SSBP3: variants seen among roughly 807,000 people sequenced by gnomAD.
SSBP3 encodes single-stranded DNA-binding protein 3.
In SSBP3, 5 loss-of-function variants were observed where a neutral mutation model predicts 69.6. The ratio of observed to expected loss-of-function variants is 0.07; its 90% CI spans 0.04 to 0.15. SSBP3 has a LOEUF of 0.15. Ranked by LOEUF, SSBP3 falls within the 10% of genes least tolerant of loss-of-function variation. The probability of loss-of-function intolerance (pLI) is 1.00; values close to 1 mark genes in which losing one functional copy is unlikely to be tolerated. For missense variants in SSBP3, 312 were observed against 534.0 expected (o/e 0.58, Z 4.10); for synonymous variants, 196 against 193.4 (o/e 1.01, Z -0.11).
At chr1:54,359,847 G>A (rs1473502957) in intron 4 of SSBP3, among the ~76,000 whole-genome samples, 1 of 151,998 alleles carries the variant, frequency 6.6e-6, no homozygotes, top group African/African-American at 2.4e-5. Flanking sequence ...TGGCCTGACA[G>A]GCTGAGGATA....
rs12046173 is a variant in SSBP3 at position 54,383,240 on chromosome 1, T to C, written c.276+18621A>G. Among the ~76,000 whole-genome samples, 51 of 151,276 alleles carry C rather than the reference T, an allele frequency of 3.4e-4. No homozygotes were observed. The East Asian group carries it at 1.0e-2, about 30-fold the overall frequency. On this transcript the variant is annotated intron_variant, in intron 4 of 17. Coordinates refer to ENST00000610401, the Ensembl canonical transcript of SSBP3. The stretch of plus-strand genomic sequence containing the variant: ...ATACAAAAAAAAAATTAGCCGGGCG[T>C]GGTGGCGTGAGCCTGTAGTCCCAGC...
At chr1:54,287,060 A>C (rs1645504462) in intron 4 of SSBP3, 1 of 152,084 alleles carries the variant, frequency 6.6e-6, no homozygotes, top group Non-Finnish European at 1.5e-5. Context: ...CCTGCAAGAT[A>C]CTATCTTCTG....
chr1:54,225,514 TC>T, exon 18 of SSBP3: 1 of 1,042,872 alleles, frequency 9.6e-7, no homozygotes, highest in Non-Finnish European at 1.2e-6. Flanking sequence ...TACTTTTTTT[TC>T]CTCTCTTAAT....
At chr1:54,371,196 C>T (rs1054191654) in intron 4 of SSBP3, among the ~76,000 whole-genome samples, 1 of 152,248 alleles carries the variant, frequency 6.6e-6, no homozygotes, top group Non-Finnish European at 1.5e-5. Flanking sequence ...CAGGCAAACA[C>T]TATTCTCAGA....
chr1:54,292,295 C>T (rs1645621635), intron 4 of SSBP3, among the ~76,000 whole-genome samples: 1 of 152,228 alleles, frequency 6.6e-6, no homozygotes, highest in South Asian at 2.1e-4. Context: ...TTCAGACTGA[C>T]ACAAGAGAGG....
chr1:54,264,552 C>T (rs1645068685), intron 5 of SSBP3, among the ~76,000 whole-genome samples: 1 of 152,188 alleles, frequency 6.6e-6, no homozygotes, highest in African/African-American at 2.4e-5. Flanking sequence ...CAGGCTGTGA[C>T]CTGTGCTGAA....
At chr1:54,234,816 T>A (rs556359689) in intron 14 of SSBP3, among the ~76,000 whole-genome samples, 50 of 149,900 alleles carry the variant, frequency 3.3e-4, no homozygotes, top group African/African-American at 1.1e-3. Flanking sequence ...CAGGCTGGAG[T>A]GCAGTGGCAT....
chr1:54,346,035 C>T (rs1462447173), intron 4 of SSBP3, among the ~76,000 whole-genome samples: 2 of 151,462 alleles, frequency 1.3e-5, no homozygotes, highest in East Asian at 1.9e-4. Context: ...TGGCAGCACA[C>T]GCCTGTACTC....
chr1:54,262,691 G>A (rs1304170646), intron 5 of SSBP3, among the ~76,000 whole-genome samples: 2 of 152,248 alleles, frequency 1.3e-5, no homozygotes, highest in Admixed American at 1.3e-4. Context: ...GAGGCCCAGT[G>A]TGGCCACAGC....
chr1:54,370,517 T>G (rs988732175), intron 4 of SSBP3, among the ~76,000 whole-genome samples: 1 of 152,216 alleles, frequency 6.6e-6, no homozygotes, highest in Admixed American at 6.5e-5. Flanking sequence ...GCACCATCAC[T>G]AGCCTTCAGA....
rs572310239 is a variant in SSBP3 at position 54,328,746 on chromosome 1, C to T, written c.277-47219G>A. 1.0e-3 allele frequency among the ~76,000 whole-genome samples: 152 copies of T among 152,338 alleles called. 2 individuals carry two copies. Among genetic ancestry groups the T allele is most frequent in the Middle Eastern group, 3.4e-3 (1 of 294 alleles). ...CAACCCCACAGACTGATTCCCTCTC[C>T]AGTGGCATCTCCCTTACCTGTAACC... On this transcript the variant is annotated intron_variant, in intron 4 of 17. Coordinates refer to ENST00000610401, the Ensembl canonical transcript of SSBP3.
intron 4 of SSBP3, among the ~76,000 whole-genome samples, chr1:54,397,385 C>A (rs1648971227): frequency 6.6e-6 from 1 of 152,214 alleles, no homozygotes; most frequent in East Asian, 1.9e-4. Flanking sequence ...ATTTCAAACC[C>A]ACCAAGGACG....
At position 54,381,382 on chromosome 1, in the gene SSBP3, C is replaced by CAAAAAAAA. The variant is rs59809996; in HGVS notation, c.276+20471_276+20478dup. On this transcript the variant is annotated intron_variant, in intron 4 of 17. Coordinates refer to ENST00000610401, the Ensembl canonical transcript of SSBP3. ...TGGGCGACAGAGTGATACACCATCT[C>CAAAAAAAA]AAAAAAAAAAAAAAAAAAAAAAAAA... is the stretch of plus-strand genomic sequence containing the variant. 8.6e-5 allele frequency among the ~76,000 whole-genome samples: 6 copies of CAAAAAAAA among 69,488 alleles called. 1 individual carries two copies. The highest frequency in any genetic ancestry group is 1.2e-4 in the Non-Finnish European group (4 of 32,418). The allele number at this position is 69,488 out of a possible 152,430, so 45.6% of individuals were successfully genotyped here.
chr1:54,241,826 C>T (rs1185585072), intron 11 of SSBP3, among the ~76,000 whole-genome samples: 1 of 152,236 alleles, frequency 6.6e-6, no homozygotes, highest in Non-Finnish European at 1.5e-5. Context: ...GCCTTCACCC[C>T]ACTGTCTGTG....
intron 9 of SSBP3, among the ~76,000 whole-genome samples, chr1:54,250,075 C>G (rs1241298468): frequency 6.6e-6 from 1 of 152,222 alleles, no homozygotes; most frequent in Non-Finnish European, 1.5e-5. Context: ...AGAGGGGAAG[C>G]TCCGCTCCTA....
intron 5 of SSBP3, among the ~76,000 whole-genome samples, chr1:54,273,033 T>C (rs1645222613): frequency 6.6e-6 from 1 of 152,202 alleles, no homozygotes; most frequent in Admixed American, 6.5e-5. Context: ...CATCCTGCAC[T>C]TGGGAGGCCA....
intron 4 of SSBP3, among the ~76,000 whole-genome samples, chr1:54,401,139 T>C (rs139434186): frequency 6.6e-6 from 1 of 152,318 alleles, no homozygotes; most frequent in East Asian, 1.9e-4. Context: ...AAACCCATGT[T>C]TGTTTTTCCT....
At position 54,349,860 on chromosome 1, in the gene SSBP3, C is replaced by T. The variant is rs556929846; in HGVS notation, c.276+52001G>A. Among the ~76,000 whole-genome samples, 302 of 152,230 alleles carry T rather than the reference C, an allele frequency of 2.0e-3. 2 individuals carry two copies. Among genetic ancestry groups the T allele is most frequent in the African/African-American group, 6.8e-3 (283 of 41,524 alleles). On this transcript the variant is annotated intron_variant, in intron 4 of 17. Transcript: ENST00000610401. ...CCATTTTAGGTTCAACCTTACCTGGCGAGTGTCCTGGAATACATAACACAA... is the reference window on the plus strand; with the variant it reads ...CCATTTTAGGTTCAACCTTACCTGGTGAGTGTCCTGGAATACATAACACAA...
At chr1:54,238,414 T>C (rs1044408213) in intron 14 of SSBP3, 3 of 436,264 alleles carry the variant, frequency 6.9e-6, no homozygotes, top group South Asian at 1.7e-5. Flanking sequence ...GAGGCCTGCA[T>C]GGAGGAGGAA....
Sources: gnomAD v4.1 joint callset for allele counts (sites outside exome capture counted in the v4.1 genomes callset) on GRCh38, gnomAD v4.1.1 for gene constraint, MANE v1.5 for transcripts, NCBI Gene and HGNC (gene_info 2026-07-23, HGNC 2026-07-21) for gene names.